AMBRA1: variants seen among roughly 807,000 people sequenced by gnomAD.
AMBRA1 encodes the protein autophagy and beclin 1 regulator 1.
AMBRA1 carries 47 observed loss-of-function variants against 125.4 expected under a neutral mutation model. The observed-to-expected ratio is 0.37, with a 90% CI of 0.30 to 0.48. The LOEUF is 0.48. Among genes scored for constraint, AMBRA1 ranks in the 20% least tolerant of loss-of-function variants. The pLI, the probability that AMBRA1 is intolerant of heterozygous loss-of-function variation, is 0.99. For synonymous variants in AMBRA1, 626 were observed against 655.5 expected, an observed-to-expected ratio of 0.95 and a Z score of 0.69; for missense variants, 1,331 against 1,693.4, an observed-to-expected ratio of 0.79 and a Z score of 3.76.
At chr11:46,464,172 C>T (rs2136847958) in intron 11 of AMBRA1, among the ~76,000 whole-genome samples, 1 of 152,264 alleles carries the variant, frequency 6.6e-6, no homozygotes, top group South Asian at 2.1e-4. Context: ...AGAGCAGGTG[C>T]CAGAGAATCA....
In AMBRA1 at chr11:46,542,909, C is replaced by T; in HGVS notation, c.1108G>A (p.Ala370Thr). The stretch of plus-strand genomic sequence containing the variant: ...GTGCTGCTCTGGACTGTACTGAAGG[C>T]AGACGGCCGGTTCAGGAGGCCCTGG... ...QDQGLLNRPS[A>T]FSTVQSSTAG... The change falls in exon 7 of 18, where the codon GCC (alanine) becomes ACC (threonine). Residue 370 changes from alanine (A) to threonine (T), a missense_variant. Around this residue, in one of 4 missense-constraint regions of AMBRA1, gnomAD observed 689 missense variants for 776.5 expected, o/e 0.89. Coordinates refer to ENST00000683756, the MANE Select transcript of AMBRA1 (RefSeq NM_001387011.1). The surrounding 1 kb of genome is among the most constrained non-coding windows in gnomAD (Gnocchi z 5.9). 2 of 1,612,154 alleles carry T rather than the reference C, an allele frequency of 1.2e-6. No homozygotes were observed. The highest frequency in any genetic ancestry group is 1.1e-5 in the South Asian group (1 of 91,062).
chr11:46,410,149 C>G (rs2136621275), intron 16 of AMBRA1, 127 bp downstream of exon 16: 1 of 782,078 alleles, frequency 1.3e-6, no homozygotes, highest in East Asian at 2.5e-5. Context: ...CACAAAAGAT[C>G]AAGGAGGTGC....
intron 11 of AMBRA1, among the ~76,000 whole-genome samples, chr11:46,453,925 A>G (rs1948733327): frequency 6.6e-6 from 1 of 152,226 alleles, no homozygotes; most frequent in Non-Finnish European, 1.5e-5. Flanking sequence ...TACAGACTTC[A>G]ATGGTTACGT....
At chr11:46,584,538 G>GA (rs537200498) in intron 1 of AMBRA1, among the ~76,000 whole-genome samples, 337 of 147,962 alleles carry the variant, frequency 2.3e-3, no homozygotes, top group Middle Eastern at 3.4e-3. Flanking sequence ...ATAATAAAAA[G>GA]AAAAAAAACA....
chr11:46,424,654 C>T (rs1431077029), intron 14 of AMBRA1, among the ~76,000 whole-genome samples: 5 of 152,024 alleles, frequency 3.3e-5, no homozygotes, highest in African/African-American at 7.3e-5. Context: ...CAAGACCAAC[C>T]TAGCTGACAT....
intron 1 of AMBRA1, among the ~76,000 whole-genome samples, chr11:46,591,829 C>G (rs2044607626): frequency 6.6e-6 from 1 of 151,790 alleles, no homozygotes; most frequent in Non-Finnish European, 1.5e-5. Context: ...TGCACTCCAG[C>G]CTGGGGGACA....
chr11:46,449,593 A>G (rs777722646), intron 11 of AMBRA1, among the ~76,000 whole-genome samples: 1 of 152,244 alleles, frequency 6.6e-6, no homozygotes, highest in Non-Finnish European at 1.5e-5. Context: ...TACAATGTCA[A>G]TTCTTCTCAG....
chr11:46,521,470 C>T (rs1483726965), intron 7 of AMBRA1, among the ~76,000 whole-genome samples: 2 of 152,294 alleles, frequency 1.3e-5, no homozygotes, highest in South Asian at 2.1e-4. Context: ...TAAACTTGAA[C>T]GCACTGTGGC....
At chr11:46,510,577 T>C (rs1421873831) in intron 8 of AMBRA1, among the ~76,000 whole-genome samples, 6 of 152,172 alleles carry the variant, frequency 3.9e-5, no homozygotes, top group Non-Finnish European at 8.8e-5. Flanking sequence ...ATAATATTAT[T>C]GGTGATAGAG....
In AMBRA1 at chr11:46,408,415, C is replaced by T. The variant is rs889921315; in HGVS notation, c.3403+98G>A. ...TCTTAATGCCACCAGGTGGGCATCA[C>T]CCAGACATGGGAGGGGGTATGCATC... is the stretch of plus-strand genomic sequence containing the variant. On this transcript the variant is annotated intron_variant, in intron 17 of 17. Coordinates refer to ENST00000683756, the MANE Select transcript of AMBRA1 (RefSeq NM_001387011.1). 2.3e-6 allele frequency: 3 copies of T among 1,285,686 alleles called. No individual in the cohort carries two copies. The Admixed American group carries it at 1.1e-4, about 46-fold the overall frequency. The allele number at this position is 1,285,686 out of a possible 1,614,324, so 79.6% of individuals were successfully genotyped here. A position where few individuals can be genotyped will look rare whatever the true frequency, so the allele number is the denominator to read the frequency against.
chr11:46,489,831 A>G (rs1279906131), intron 11 of AMBRA1, among the ~76,000 whole-genome samples: 2 of 152,244 alleles, frequency 1.3e-5, no homozygotes, highest in Non-Finnish European at 2.9e-5. Flanking sequence ...TATAAGCTTA[A>G]GAACCTTTTG....
intron 4 of AMBRA1, 193 bp from the exon 5 acceptor site, chr11:46,545,969 C>G (rs1442548178): frequency 1.8e-6 from 1 of 541,378 alleles, no homozygotes; most frequent in Non-Finnish European, 3.3e-6. Context: ...ACTATACAAT[C>G]AGTTCAGTTC....
Position 46,433,640 on chromosome 11 carries a change from C to G in AMBRA1, c.2822-12G>C, listed in dbSNP as rs373805812. The G allele has an allele frequency of 3.7e-5, 59 of 1,608,928 alleles. No homozygotes were observed. Among genetic ancestry groups the G allele is most frequent in the Non-Finnish European group, 4.8e-5 (56 of 1,176,058 alleles). On this transcript the variant is annotated splice_polypyrimidine_tract_variant and intron_variant, in intron 13 of 17. Coordinates refer to ENST00000683756, the MANE Select transcript of AMBRA1 (RefSeq NM_001387011.1). ...AATGGCATTGGGACCTGAGGGCCAA[C>G]AAAACAGAGAAATATTTCCTAGGCT...
chr11:46,409,490 GC>G (rs1946184745), intron 16 of AMBRA1, among the ~76,000 whole-genome samples: 1 of 152,142 alleles, frequency 6.6e-6, no homozygotes, highest in Non-Finnish European at 1.5e-5. Context: ...GAGCCACCGC[GC>G]CCATCCAGGA....
chr11:46,465,502 T>C (rs80110861), intron 11 of AMBRA1, among the ~76,000 whole-genome samples: 2,488 of 152,346 alleles, frequency 0.016, 66 homozygotes, highest in African/African-American at 0.057. Context: ...GAGAGTTCAC[T>C]GTTCTCTAAA....
intron 15 of AMBRA1, among the ~76,000 whole-genome samples, chr11:46,411,788 T>A (rs931749906): frequency 1.3e-5 from 2 of 151,850 alleles, no homozygotes; most frequent in Non-Finnish European, 2.9e-5. Flanking sequence ...CTTTTTAATT[T>A]TTTTTTTATT....
chr11:46,456,465 G>A (rs913351805), intron 11 of AMBRA1, among the ~76,000 whole-genome samples: 1 of 152,030 alleles, frequency 6.6e-6, no homozygotes, highest in African/African-American at 2.4e-5. Context: ...ATTATGCAAT[G>A]CAGCTGCTTA....
At chr11:46,466,366 T>C (rs1250955494) in intron 11 of AMBRA1, among the ~76,000 whole-genome samples, 1 of 146,606 alleles carries the variant, frequency 6.8e-6, no homozygotes, top group South Asian at 2.1e-4. Context: ...AAAAGGGCAA[T>C]GTGAGTATCT....
intron 8 of AMBRA1, among the ~76,000 whole-genome samples, chr11:46,509,816 C>T (rs1309195391): frequency 6.6e-6 from 1 of 151,872 alleles, no homozygotes. Flanking sequence ...TATATACTTC[C>T]ATAATGTTTG....
Sources: allele counts gnomAD v4.1 joint callset (sites outside exome capture counted in the v4.1 genomes callset), GRCh38; gene constraint gnomAD v4.1.1; regional missense constraint gnomAD v4.1.1; non-coding constraint Gnocchi (gnomAD v3.1); transcripts MANE v1.5; gene names NCBI Gene and HGNC (gene_info 2026-07-23, HGNC 2026-07-21).